XPNPEP3: variants seen among roughly 807,000 people sequenced by gnomAD.
The protein encoded by XPNPEP3 is xaa-Pro aminopeptidase 3.
In XPNPEP3, 41 loss-of-function variants were observed where a neutral mutation model predicts 60.0. That is an observed-to-expected ratio of 0.68 (90% confidence interval 0.53 to 0.89). The LOEUF is 0.89. Ranked by LOEUF, XPNPEP3 falls within the 40% of genes least tolerant of loss-of-function variation. The pLI, the probability that XPNPEP3 is intolerant of heterozygous loss-of-function variation, is 0.00. For missense variants in XPNPEP3, 598 were observed against 638.9 expected (o/e 0.94, Z 0.69); for synonymous variants, 212 against 223.2 (o/e 0.95, Z 0.45).
intron 1 of XPNPEP3, among the ~76,000 whole-genome samples, chr22:40,866,036 T>G (rs910178537): frequency 6.6e-6 from 1 of 152,126 alleles, no homozygotes; most frequent in Non-Finnish European, 1.5e-5. Context: ...CTCTTTGACC[T>G]CTCCATTAAA....
intron 4 of XPNPEP3, among the ~76,000 whole-genome samples, chr22:40,897,635 A>C (rs908141784): frequency 6.6e-6 from 1 of 151,886 alleles, no homozygotes; most frequent in Non-Finnish European, 1.5e-5. Flanking sequence ...CTGATTATAC[A>C]TTTAATTTTT....
In XPNPEP3 at chr22:40,869,062, A is replaced by G. The variant is rs1569015485; in HGVS notation, c.128A>G (p.Asn43Ser). ...LQPVPERRIP[N>S]RYLGQPSPFT... ...CCTGTCCCAGAAAGGAGGATTCCAAACCGATACTTAGGCCAGCCCAGCCCC... is the reference window on the plus strand; with the variant it reads ...CCTGTCCCAGAAAGGAGGATTCCAAGCCGATACTTAGGCCAGCCCAGCCCC... The change falls in exon 2 of 10, where the codon AAC becomes AGC. Residue 43 changes from asparagine (N) to serine (S), a missense_variant. Asn to Ser is a conservative substitution (Grantham distance 46). Transcript: ENST00000357137. 6.2e-7 allele frequency: 1 copy of G among 1,614,096 alleles called. No homozygotes were observed. The highest frequency in any genetic ancestry group is 1.1e-5 in the South Asian group (1 of 91,084).
chr22:40,925,785 G>A (rs2058232596), intron 9 of XPNPEP3, among the ~76,000 whole-genome samples: 1 of 152,144 alleles, frequency 6.6e-6, no homozygotes, highest in Non-Finnish European at 1.5e-5. Flanking sequence ...GCAGCTTCCA[G>A]TTGTCAAGGC....
At chr22:40,862,463 C>T (rs947933653) in intron 1 of XPNPEP3, 10 of 986,206 alleles carry the variant, frequency 1.0e-5, no homozygotes, top group East Asian at 1.1e-4. Flanking sequence ...TACTGACTTA[C>T]GGGTGAAGAA....
intron 4 of XPNPEP3, among the ~76,000 whole-genome samples, chr22:40,898,401 C>A (rs1374535837): frequency 7.2e-6 from 1 of 139,824 alleles, no homozygotes; most frequent in African/African-American, 3.1e-5. Context: ...CTACAGGCGC[C>A]CGCCACCGCG....
chr22:40,858,825 C>T (rs780720435), intron 1 of XPNPEP3, among the ~76,000 whole-genome samples: 1 of 152,104 alleles, frequency 6.6e-6, no homozygotes, highest in Non-Finnish European at 1.5e-5. Context: ...CCACCGCGCC[C>T]GGCTTAGGAA....
intron 2 of XPNPEP3, among the ~76,000 whole-genome samples, chr22:40,878,735 C>T (rs912956014): frequency 3.3e-5 from 5 of 151,800 alleles, no homozygotes; most frequent in African/African-American, 9.7e-5. Flanking sequence ...TACAGGTGTG[C>T]GCCACCATAC....
intron 4 of XPNPEP3, among the ~76,000 whole-genome samples, chr22:40,893,422 T>TACG (rs2058095963): frequency 6.8e-6 from 1 of 147,910 alleles, no homozygotes; most frequent in African/African-American, 2.5e-5. Flanking sequence ...AGGAGAATCT[T>TACG]TGAACCCAGG....
At chr22:40,908,876 A>C (rs2058166214) in intron 5 of XPNPEP3, among the ~76,000 whole-genome samples, 1 of 152,242 alleles carries the variant, frequency 6.6e-6, no homozygotes, top group Non-Finnish European at 1.5e-5. Context: ...AGATTTAATA[A>C]TAGGGTTGAA....
chr22:40,915,541 G>T (rs2058193134), intron 7 of XPNPEP3, among the ~76,000 whole-genome samples: 1 of 149,300 alleles, frequency 6.7e-6, no homozygotes, highest in Non-Finnish European at 1.5e-5. Flanking sequence ...GACAGAGTGA[G>T]ACTCTATCTG....
At chr22:40,875,569 A>G (rs753013677) in intron 2 of XPNPEP3, among the ~76,000 whole-genome samples, 2 of 152,170 alleles carry the variant, frequency 1.3e-5, no homozygotes, top group South Asian at 4.1e-4. Context: ...TCAGGATGCC[A>G]TTATACCAAT....
intron 4 of XPNPEP3, among the ~76,000 whole-genome samples, chr22:40,904,229 C>A (rs2058145777): frequency 6.6e-6 from 1 of 152,134 alleles, no homozygotes; most frequent in African/African-American, 2.4e-5. Context: ...ATTTGAACTG[C>A]ATATCATGTG....
At chr22:40,892,216 C>T (rs1036365428) in intron 4 of XPNPEP3, among the ~76,000 whole-genome samples, 2 of 151,888 alleles carry the variant, frequency 1.3e-5, no homozygotes, top group African/African-American at 4.8e-5. Context: ...GAGACGGAAT[C>T]GCTGTGTCAC....
At chr22:40,877,665 C>G (rs2058032593) in intron 2 of XPNPEP3, among the ~76,000 whole-genome samples, 2 of 152,178 alleles carry the variant, frequency 1.3e-5, no homozygotes, top group South Asian at 4.1e-4. Flanking sequence ...AAGAGCCTTT[C>G]CATCTTAAGT....
chr22:40,896,577 T>C (rs2058108988), intron 4 of XPNPEP3, among the ~76,000 whole-genome samples: 1 of 150,972 alleles, frequency 6.6e-6, no homozygotes, highest in African/African-American at 2.4e-5. Context: ...GAGGTTGCAG[T>C]GAGCCGAGAT....
At position 40,926,766 on chromosome 22, in the gene XPNPEP3, G is replaced by T; in HGVS notation, c.*331G>T. On this transcript the variant is annotated 3_prime_UTR_variant, in exon 10 of 10. Coordinates refer to ENST00000357137, the MANE Select transcript of XPNPEP3 (RefSeq NM_022098.4). ...TCCAGTTAACACATTTAAACATATA[G>T]AAAATTCACTTCTTCTTTCAAGTCC... 1 of 347,270 alleles carries T rather than the reference G, an allele frequency of 2.9e-6. No homozygotes were observed. The highest frequency in any genetic ancestry group is 2.1e-5 in the African/African-American group (1 of 47,240). 21.5% of individuals were successfully genotyped at this position (347,270 alleles called of 1,614,324 possible).
rs2058254217 is a variant in XPNPEP3 at position 40,931,413 on chromosome 22, A to G, written c.*4978A>G. The G allele has an allele frequency of 6.6e-6, 1 of 152,214 alleles. No individual in the cohort carries two copies. Among genetic ancestry groups the G allele is most frequent in the Non-Finnish European group, 1.5e-5 (1 of 68,038 alleles). 9.4% of individuals were successfully genotyped at this position (152,214 alleles called of 1,614,324 possible). On this transcript the variant is annotated 3_prime_UTR_variant, in exon 10 of 10. Coordinates refer to ENST00000357137, the MANE Select transcript of XPNPEP3 (RefSeq NM_022098.4). ...CTGTGTTCTTTATTTGAAACACAACAGTATAAATACTATAGTAAAGTTGGG... is the reference window on the plus strand; with the variant it reads ...CTGTGTTCTTTATTTGAAACACAACGGTATAAATACTATAGTAAAGTTGGG...
intron 4 of XPNPEP3, among the ~76,000 whole-genome samples, chr22:40,900,718 C>T (rs900451735): frequency 6.6e-6 from 1 of 152,016 alleles, no homozygotes; most frequent in Non-Finnish European, 1.5e-5. Context: ...CTTTTGAGCC[C>T]AGGAATTTGA....
Position 40,869,036 on chromosome 22 carries a change from G to C in XPNPEP3, c.102G>C (p.Gln34His). The C allele has an allele frequency of 6.2e-7, 1 of 1,614,082 alleles. No homozygotes were observed. The part of the protein sequence containing the change: ...MLCSQRRYSL[Q>H]PVPERRIPNR... The stretch of plus-strand genomic sequence containing the variant: ...GTTCACAGCGAAGGTACTCCCTTCA[G>C]CCTGTCCCAGAAAGGAGGATTCCAA... The change falls in exon 2 of 10, where the codon CAG (glutamine) becomes CAC (histidine). Residue 34 changes from glutamine to histidine, a missense_variant. Transcript: ENST00000357137.
Sources: gnomAD v4.1 joint callset for allele counts (sites outside exome capture counted in the v4.1 genomes callset) on GRCh38, gnomAD v4.1.1 for gene constraint, MANE v1.5 for transcripts, NCBI Gene and HGNC (gene_info 2026-07-23, HGNC 2026-07-21) for gene names.